The following ATP2B1 variants were observed in gnomAD, a reference collection of about 807,000 sequenced individuals.
ATP2B1 encodes the protein plasma membrane calcium-transporting ATPase 1.
In ATP2B1, 14 loss-of-function variants were observed where a neutral mutation model predicts 124.2. The observed-to-expected ratio is 0.11, with a 90% CI of 0.07 to 0.18. The LOEUF (loss-of-function observed/expected upper bound fraction) is 0.18, where lower values mean the gene tolerates loss of function less well. ATP2B1 is among the 10% of genes least tolerant of loss of function. The pLI is 1.00. For synonymous variants in ATP2B1, 449 were observed against 492.4 expected, an observed-to-expected ratio of 0.91 and a Z score of 1.17; for missense variants, 763 against 1,466.1, an observed-to-expected ratio of 0.52 and a Z score of 7.83.
intron 1 of ATP2B1, among the ~76,000 whole-genome samples, chr12:89,702,145 A>G (rs1891928520): frequency 6.6e-6 from 1 of 152,214 alleles, no homozygotes; most frequent in Admixed American, 6.5e-5. Flanking sequence ...AGCCCTTATT[A>G]GCACCTTGAA....
chr12:89,615,201 T>A (rs548982502), intron 12 of ATP2B1, among the ~76,000 whole-genome samples: 53 of 152,318 alleles, frequency 3.5e-4, no homozygotes, highest in African/African-American at 1.2e-3. Flanking sequence ...GCAGACCCAC[T>A]ATGAACCATC....
In ATP2B1 at chr12:89,627,769, T is replaced by C. The variant is rs546468317; in HGVS notation, c.929-53A>G. The C allele has an allele frequency of 1.9e-6, 3 of 1,541,746 alleles. No homozygotes were observed. In the South Asian group the frequency reaches 3.4e-5, roughly 17 times the overall value. On this transcript the variant is annotated intron_variant, in intron 6 of 20. Transcript: ENST00000428670. ...TTTCCAAAAGAAATGAATACAGCCATGCTAAATTATGCAGAAGTAGTTCAC... is the reference window on the plus strand; with the variant it reads ...TTTCCAAAAGAAATGAATACAGCCACGCTAAATTATGCAGAAGTAGTTCAC...
Position 89,630,500 on chromosome 12 carries a change from C to T in ATP2B1, c.928+5G>A, listed in dbSNP as rs1422356489. ...ATACCAATTATAGAAAATTGTTATT[C>T]TTACTTTTCTTTTCCTTTTTCTTCT... On this transcript the variant is annotated splice_donor_5th_base_variant and intron_variant, in intron 6 of 20. Transcript: ENST00000428670. 1.3e-6 allele frequency: 2 copies of T among 1,554,552 alleles called. No individual in the cohort carries two copies. The highest frequency in any genetic ancestry group is 1.7e-6 in the Non-Finnish European group (2 of 1,149,208).
chr12:89,702,698 A>C (rs886094281), intron 1 of ATP2B1, among the ~76,000 whole-genome samples: 3 of 152,184 alleles, frequency 2.0e-5, no homozygotes, highest in Non-Finnish European at 1.5e-5. Context: ...CAGATTTCAC[A>C]GTGTAAGCAA....
intron 6 of ATP2B1, among the ~76,000 whole-genome samples, chr12:89,628,195 G>A (rs1881216934): frequency 6.6e-6 from 1 of 151,902 alleles, no homozygotes; most frequent in Admixed American, 6.6e-5. Flanking sequence ...CTGAGGTCGG[G>A]AGTTCAAGAC....
intron 1 of ATP2B1, among the ~76,000 whole-genome samples, chr12:89,666,392 TATC>T (rs1184930085): frequency 6.6e-6 from 1 of 152,212 alleles, no homozygotes; most frequent in Non-Finnish European, 1.5e-5. Flanking sequence ...AAGGTAAACT[TATC>T]ATCCCTTGGA....
At chr12:89,639,152 C>T (rs1292102411) in intron 3 of ATP2B1, among the ~76,000 whole-genome samples, 2 of 152,292 alleles carry the variant, frequency 1.3e-5, no homozygotes, top group East Asian at 1.9e-4. Context: ...AGTTACCACA[C>T]CTCAGTGTTG....
Position 89,708,731 on chromosome 12 carries a change from G to A in ATP2B1, c.-357C>T, listed in dbSNP as rs1320493510. The A allele has an allele frequency of 6.6e-6, 1 of 152,038 alleles. No homozygotes were observed. Among genetic ancestry groups the A allele is most frequent in the Non-Finnish European group, 1.5e-5 (1 of 67,994 alleles). 9.4% of individuals were successfully genotyped at this position (152,038 alleles called of 1,614,324 possible). On this transcript the variant is annotated 5_prime_UTR_variant, in exon 1 of 21. Coordinates refer to ENST00000428670, the MANE Select transcript of ATP2B1 (RefSeq NM_001366521.1). ...CAGCGCGTCCGCAGCCGGCTCGCAG[G>A]GCTCGGGGCGCCACGCGGAGGTGCA...
chr12:89,679,129 A>G (rs114396881), intron 1 of ATP2B1, among the ~76,000 whole-genome samples: 2,543 of 152,016 alleles, frequency 0.017, 63 homozygotes, highest in African/African-American at 0.059. Context: ...AAGCTTTTGG[A>G]AAAAAAAGGA....
chr12:89,670,142 A>T (rs1251534741), intron 1 of ATP2B1, among the ~76,000 whole-genome samples: 1 of 152,230 alleles, frequency 6.6e-6, no homozygotes, highest in African/African-American at 2.4e-5. Flanking sequence ...GGGGGAAAGC[A>T]CAGAAATGTA....
chr12:89,608,620 A>G (rs1172929283), intron 15 of ATP2B1, among the ~76,000 whole-genome samples: 1 of 152,088 alleles, frequency 6.6e-6, no homozygotes, highest in Non-Finnish European at 1.5e-5. Flanking sequence ...ATTTACCTGT[A>G]TTTATTTAAA....
intron 2 of ATP2B1, among the ~76,000 whole-genome samples, chr12:89,654,261 T>C (rs1485156076): frequency 3.3e-5 from 5 of 152,216 alleles, no homozygotes; most frequent in African/African-American, 4.8e-5. Context: ...TTTTGTCAAA[T>C]TACTGTCTAT....
intron 1 of ATP2B1, among the ~76,000 whole-genome samples, chr12:89,668,002 G>A (rs978195917): frequency 2.0e-5 from 3 of 152,178 alleles, no homozygotes; most frequent in African/African-American, 4.8e-5. Context: ...AGCCAGGTAC[G>A]TGACTTCAAG....
intron 1 of ATP2B1, among the ~76,000 whole-genome samples, chr12:89,697,195 T>A (rs937992908): frequency 6.6e-6 from 1 of 152,184 alleles, no homozygotes; most frequent in Non-Finnish European, 1.5e-5. Context: ...ACCAGACTCT[T>A]ATCAGGCAGT....
At position 89,634,852 on chromosome 12, in the gene ATP2B1, A is replaced by G; in HGVS notation, c.713T>C (p.Ile238Thr). The G allele has an allele frequency of 6.2e-7, 1 of 1,613,224 alleles. No individual in the cohort carries two copies. The highest frequency in any genetic ancestry group is 8.5e-7 in the Non-Finnish European group (1 of 1,179,564). Residue 238 changes from isoleucine (I) to threonine (T), a missense_variant, in exon 5 of 21, where the codon ATT becomes ACT. Physicochemically the swap from Ile to Thr is moderately conservative, Grantham distance 89 (BLOSUM62 -1). Coordinates refer to ENST00000428670, the MANE Select transcript of ATP2B1 (RefSeq NM_001366521.1). ...TTCACCAGTCAATGAGCTTTCATCA[A>G]TTTTAAGATCGTTGCCTTGAATAAG... ...GILIQGNDLKIDESSLTGESD... is the reference protein window; with the variant it reads ...GILIQGNDLKTDESSLTGESD...
intron 2 of ATP2B1, among the ~76,000 whole-genome samples, chr12:89,650,782 T>C (rs1382329747): frequency 6.6e-6 from 1 of 152,038 alleles, no homozygotes; most frequent in African/African-American, 2.4e-5. Context: ...CCATCCAGTA[T>C]AAAATATAAC....
rs139122653 is a variant in ATP2B1, at chr12:89,647,618, G to T, written c.209-5263C>A. On this transcript the variant is annotated intron_variant, in intron 2 of 20. Transcript: ENST00000428670. Reference sequence around the variant, plus strand: ...TATCAAATTCTGTACTAGAAATTTTGTATTTGTGTATATATCATATGTATA... The same window carrying T: ...TATCAAATTCTGTACTAGAAATTTTTTATTTGTGTATATATCATATGTATA... Among the ~76,000 whole-genome samples, 222 of 152,162 alleles carry T rather than the reference G, an allele frequency of 1.5e-3. 1 individual carries two copies. Among genetic ancestry groups the T allele is most frequent in the African/African-American group, 4.8e-3 (201 of 41,492 alleles).
At chr12:89,690,309 T>A (rs2136720205) in intron 1 of ATP2B1, among the ~76,000 whole-genome samples, 1 of 151,704 alleles carries the variant, frequency 6.6e-6, no homozygotes, top group Middle Eastern at 3.4e-3. Context: ...AAAGAAAATA[T>A]CCTCAATGAT....
At position 89,603,369 on chromosome 12, in the gene ATP2B1, A is replaced by G; in HGVS notation, c.2849-115T>C. On this transcript the variant is annotated intron_variant, in intron 17 of 20. Transcript: ENST00000428670. The surrounding 1 kb of genome is among the most constrained non-coding windows in gnomAD (Gnocchi z 4.3). ...ATTTGATCTGAAATGGCAGCATGGAAGGAGCTAGAGAAACCTGGGATTATC... is the reference window on the plus strand; with the variant it reads ...ATTTGATCTGAAATGGCAGCATGGAGGGAGCTAGAGAAACCTGGGATTATC... 1.1e-6 allele frequency: 1 copy of G among 884,648 alleles called. No homozygotes were observed. The highest frequency in any genetic ancestry group is 2.7e-5 in the East Asian group (1 of 37,696). The allele number at this position is 884,648 out of a possible 1,614,324, so 54.8% of individuals were successfully genotyped here. A position where few individuals can be genotyped will look rare whatever the true frequency, so the allele number is the denominator to read the frequency against.
Sources: gnomAD v4.1 joint callset for allele counts (sites outside exome capture counted in the v4.1 genomes callset) on GRCh38, gnomAD v4.1.1 for gene constraint, Gnocchi (gnomAD v3.1) non-coding constraint, MANE v1.5 for transcripts, NCBI Gene and HGNC (gene_info 2026-07-23, HGNC 2026-07-21) for gene names.